The following ADGRL2 variants were observed in gnomAD, a reference collection of about 807,000 sequenced individuals.
The protein encoded by ADGRL2 is calcium-independent alpha-latrotoxin receptor 2.
Under a neutral mutation model 157.4 loss-of-function variants are expected in ADGRL2, and 44 were observed. The observed-to-expected ratio is 0.28, with a 90% CI of 0.22 to 0.36. The LOEUF is 0.36. Among genes scored for constraint, ADGRL2 ranks in the 10% least tolerant of loss-of-function variants. The pLI, the probability that ADGRL2 is intolerant of heterozygous loss-of-function variation, is 1.00. For missense variants in ADGRL2, 1,510 were observed against 1,768.9 expected, an observed-to-expected ratio of 0.85 and a Z score of 2.63; for synonymous variants, 585 against 624.7, an observed-to-expected ratio of 0.94 and a Z score of 0.95.
At chr1:81,754,123 C>T (rs2085582316) in intron 1 of ADGRL2, among the ~76,000 whole-genome samples, 1 of 152,014 alleles carries the variant, frequency 6.6e-6, no homozygotes, top group Non-Finnish European at 1.5e-5. Context: ...CTAAAAAATG[C>T]CAATAAGGCT....
intron 1 of ADGRL2, among the ~76,000 whole-genome samples, chr1:81,744,172 A>C (rs990939995): frequency 6.6e-5 from 10 of 152,154 alleles, no homozygotes; most frequent in Non-Finnish European, 1.0e-4. Flanking sequence ...GCAGACAAAA[A>C]CACTTGTGTT....
chr1:81,726,470 A>C (rs2084532912), intron 1 of ADGRL2, among the ~76,000 whole-genome samples: 1 of 152,160 alleles, frequency 6.6e-6, no homozygotes, highest in African/African-American at 2.4e-5. Context: ...GAGGAACTAA[A>C]ATTTAGACTT....
chr1:81,396,046 T>C (rs1424184637), intron 1 of ADGRL2, among the ~76,000 whole-genome samples: 3 of 152,134 alleles, frequency 2.0e-5, no homozygotes, highest in African/African-American at 7.2e-5. Context: ...TTTTAGGATT[T>C]TTTTCCTATG....
At chr1:81,496,277 G>A (rs2078727406) in intron 2 of ADGRL2, among the ~76,000 whole-genome samples, 1 of 152,098 alleles carries the variant, frequency 6.6e-6, no homozygotes, top group South Asian at 2.1e-4. Flanking sequence ...TCTTACACTG[G>A]CATTGCAACC....
At chr1:81,985,527 A>T in intron 21 of ADGRL2, 172 bp downstream of exon 21, 2 of 414,344 alleles carry the variant, frequency 4.8e-6, no homozygotes, top group South Asian at 5.7e-5. Context: ...TATCCTAGGG[A>T]GTACAGATTT....
At chr1:81,660,447 C>G (rs1218973078) in intron 3 of ADGRL2, among the ~76,000 whole-genome samples, 1 of 152,054 alleles carries the variant, frequency 6.6e-6, no homozygotes, top group Non-Finnish European at 1.5e-5. Context: ...AACCAGCAAC[C>G]TTACCCTTAT....
intron 1 of ADGRL2, among the ~76,000 whole-genome samples, chr1:81,425,041 G>C (rs923934208): frequency 6.6e-6 from 1 of 152,190 alleles, no homozygotes; most frequent in African/African-American, 2.4e-5. Context: ...GAATTCAGCT[G>C]TCAGAATATG....
intron 1 of ADGRL2, among the ~76,000 whole-genome samples, chr1:81,378,750 C>T (rs565276430): frequency 1.3e-5 from 2 of 151,972 alleles, no homozygotes; most frequent in African/African-American, 4.8e-5. Flanking sequence ...CCTGAAATGC[C>T]CAGGACATAG....
intron 1 of ADGRL2, among the ~76,000 whole-genome samples, chr1:81,385,021 A>C (rs2076410815): frequency 6.6e-6 from 1 of 152,146 alleles, no homozygotes; most frequent in South Asian, 2.1e-4. Flanking sequence ...ACCAGATATC[A>C]AGTTGTAGTG....
chr1:81,640,453 T>C (rs924604526), intron 3 of ADGRL2, among the ~76,000 whole-genome samples: 4 of 151,592 alleles, frequency 2.6e-5, no homozygotes, highest in Non-Finnish European at 4.4e-5. Flanking sequence ...GCCAACATGG[T>C]GAAACCTCCC....
intron 21 of ADGRL2, 91 bp from the exon 22 acceptor site, chr1:81,986,810 T>TA (rs751625431): frequency 3.0e-5 from 40 of 1,324,310 alleles, no homozygotes; most frequent in African/African-American, 1.5e-4. Context: ...TTGATGAATA[T>TA]AAAAAAAATA....
intron 1 of ADGRL2, among the ~76,000 whole-genome samples, chr1:81,328,193 G>T (rs879453499): frequency 7.2e-5 from 11 of 152,096 alleles, no homozygotes; most frequent in Non-Finnish European, 1.5e-4. Context: ...TTTACAGTAA[G>T]CTTCAAAAGG....
At chr1:81,314,134 A>G (rs1003462657) in intron 1 of ADGRL2, among the ~76,000 whole-genome samples, 1 of 152,202 alleles carries the variant, frequency 6.6e-6, no homozygotes, top group Admixed American at 6.5e-5. Flanking sequence ...TCATGAAAGT[A>G]CATGCTTGTG....
intron 1 of ADGRL2, among the ~76,000 whole-genome samples, chr1:81,751,988 A>G (rs1380736860): frequency 1.3e-5 from 2 of 152,170 alleles, no homozygotes; most frequent in African/African-American, 2.4e-5. Context: ...ACATGTTATA[A>G]AGTTTTATAA....
intron 1 of ADGRL2, among the ~76,000 whole-genome samples, chr1:81,714,026 T>G (rs967836117): frequency 1.3e-5 from 2 of 152,160 alleles, no homozygotes; most frequent in South Asian, 2.1e-4. Flanking sequence ...CAAGAGGGTG[T>G]GTGCAGGGGA....
intron 3 of ADGRL2, among the ~76,000 whole-genome samples, chr1:81,645,502 C>T (rs1249180239): frequency 6.6e-6 from 1 of 152,004 alleles, no homozygotes; most frequent in Non-Finnish European, 1.5e-5. Flanking sequence ...CCTTCAATCC[C>T]AGAGGTAGAG....
At chr1:81,532,382 A>T (rs1411811197) in intron 2 of ADGRL2, among the ~76,000 whole-genome samples, 1 of 152,180 alleles carries the variant, frequency 6.6e-6, no homozygotes, top group African/African-American at 2.4e-5. Context: ...TGCAAGAGTT[A>T]TGTACCAGAT....
Position 81,691,914 on chromosome 1 carries a change from A to ATG in ADGRL2, c.-142-69891_-142-69890dup, listed in dbSNP as rs1307026631. ...TATATATGTATGTGTATATAGATAT[A>ATG]TGTGTGTATATATATATACACATAC... On this transcript the variant is annotated intron_variant, in intron 3 of 24. Transcript: ENST00000370721. 3.4e-5 allele frequency among the ~76,000 whole-genome samples: 5 copies of ATG among 145,736 alleles called. 1 individual carries two copies. The highest frequency in any genetic ancestry group is 7.5e-5 in the Non-Finnish European group (5 of 66,306).
At chr1:81,352,998 G>A (rs979961275) in intron 1 of ADGRL2, among the ~76,000 whole-genome samples, 2 of 152,106 alleles carry the variant, frequency 1.3e-5, no homozygotes, top group African/African-American at 2.4e-5. Flanking sequence ...TGTTGGGGGT[G>A]AAAAAGCGTT....
Sources: allele counts gnomAD v4.1 joint callset (sites outside exome capture counted in the v4.1 genomes callset), GRCh38; gene constraint gnomAD v4.1.1; transcripts MANE v1.5; gene names NCBI Gene and HGNC (gene_info 2026-07-23, HGNC 2026-07-21).